TSPEAR: variants seen among roughly 807,000 people sequenced by gnomAD.
The protein encoded by TSPEAR is thrombospondin type laminin G domain and EAR repeats.
A neutral mutation model predicts 71.6 loss-of-function variants in TSPEAR; 69 were observed. The observed-to-expected ratio is 0.96, with a 90% CI of 0.79 to 1.18. The LOEUF is 1.18. TSPEAR is among the 50% of genes most tolerant of loss of function. TSPEAR has a pLI of 0.00. For synonymous variants in TSPEAR, 402 were observed against 387.2 expected (o/e 1.04, Z -0.45); for missense variants, 971 against 894.9 (o/e 1.09, Z -1.09).
In TSPEAR at chr21:44,522,042, C is replaced by A. The variant is rs1298144003; in HGVS notation, c.1407G>T (p.Gln469His). ...NPATRLFEAN[Q>H]TIATSGAYDW... Reference sequence around the variant, plus strand: ...CGTAGGCGCCGGAGGTGGCGATGGTCTGGTTGGCCTCGAAGAGCCGGGTTG... The same window carrying A: ...CGTAGGCGCCGGAGGTGGCGATGGTATGGTTGGCCTCGAAGAGCCGGGTTG... Residue 469 changes from glutamine (Q) to histidine (H), a missense_variant, in exon 9 of 12, where the codon CAG (glutamine) becomes CAT (histidine). Physicochemically the swap from Gln to His is conservative, Grantham distance 24 (BLOSUM62 0). Transcript: ENST00000323084. 2 of 1,614,028 alleles carry A rather than the reference C, an allele frequency of 1.2e-6. No homozygotes were observed. Among genetic ancestry groups the A allele is most frequent in the Non-Finnish European group, 1.7e-6 (2 of 1,180,026 alleles).
intron 1 of TSPEAR, among the ~76,000 whole-genome samples, chr21:44,651,351 T>C (rs1414835264): frequency 3.9e-5 from 6 of 152,154 alleles, no homozygotes; most frequent in African/African-American, 1.4e-4. Flanking sequence ...ACAGAGAAGT[T>C]GGATGTGTGT....
Position 44,711,455 on chromosome 21 carries a change from C to G in TSPEAR, c.60G>C (p.Thr20=). ...VLPLAAPGHG[T]QGWEPCTDLR... is the part of the protein sequence containing the mutation. ...TACCTGTGCAGGGCTCCCAACCCTG[C>G]GTGCCGTGGCCGGGGGCCGCCAGGG... Residue 20 remains threonine, a synonymous_variant, in exon 1 of 12, where the codon ACG becomes ACC. Coordinates refer to ENST00000323084, the MANE Select transcript of TSPEAR (RefSeq NM_144991.3). This position sits in a 1 kb window ranked among gnomAD's most constrained non-coding sequence, Gnocchi z 4.5. The G allele has an allele frequency of 6.2e-7, 1 of 1,609,890 alleles. No homozygotes were observed. The highest frequency in any genetic ancestry group is 8.5e-7 in the Non-Finnish European group (1 of 1,178,544).
chr21:44,531,111 C>T lies in TSPEAR; in HGVS notation c.565G>A (p.Ala189Thr), dbSNP rs1555915727. The change falls in exon 4 of 12, where the codon GCC becomes ACC. Residue 189 changes from alanine (A) to threonine (T), a missense_variant. By Grantham distance (58) the Ala-to-Thr change is moderately conservative (BLOSUM62 0). Transcript: ENST00000323084. ...CGAGCTCCTTTCACTGACAGGGTGG[C>T]TGGGAAGGGCACATCGGCCATTCTG... ...VDIMADVPFP[A>T]TLSVKGARFF... The T allele has an allele frequency of 6.2e-7, 1 of 1,613,764 alleles. No homozygotes were observed. The highest frequency in any genetic ancestry group is 8.5e-7 in the Non-Finnish European group (1 of 1,179,958).
In TSPEAR at chr21:44,513,145, C is replaced by T. The variant is rs112613719; in HGVS notation, c.1567-3759G>A. 8.5e-3 allele frequency among the ~76,000 whole-genome samples: 1,293 copies of T among 152,352 alleles called. 9 individuals are homozygous for T. The highest frequency in any genetic ancestry group is 0.013 in the Non-Finnish European group (874 of 68,020). On this transcript the variant is annotated intron_variant, in intron 9 of 11. Transcript: ENST00000323084. ...TGGCAGAACCCCCACGGGGTGTCAC[C>T]GGCTCCTGGTCCCAGCATTTAGCTG... is the stretch of plus-strand genomic sequence containing the variant.
intron 1 of TSPEAR, among the ~76,000 whole-genome samples, chr21:44,682,396 C>T (rs1569257044): frequency 6.6e-6 from 1 of 152,200 alleles, no homozygotes. Context: ...CAGTGATGCA[C>T]AGGCAGTTTT....
chr21:44,651,151 G>A (rs1984764505), intron 1 of TSPEAR, among the ~76,000 whole-genome samples: 1 of 152,154 alleles, frequency 6.6e-6, no homozygotes, highest in Non-Finnish European at 1.5e-5. Context: ...CAATGGACAG[G>A]CCACGAGCGG....
intron 10 of TSPEAR, chr21:44,508,492 C>G (rs2052260958): frequency 9.7e-7 from 1 of 1,026,724 alleles, no homozygotes; most frequent in African/African-American, 1.7e-5. Flanking sequence ...GCCCCTGGCT[C>G]TGGGATCTGG....
intron 2 of TSPEAR, among the ~76,000 whole-genome samples, chr21:44,565,625 A>G (rs139729453): frequency 1.3e-4 from 20 of 152,378 alleles, no homozygotes; most frequent in East Asian, 1.9e-4. Context: ...TAGCATGATT[A>G]TAACAATAGA....
At chr21:44,529,748 GGGCTCT>G in intron 5 of TSPEAR, 44 bp downstream of exon 5, 1 of 1,606,872 alleles carries the variant, frequency 6.2e-7, no homozygotes, top group South Asian at 1.1e-5. Context: ...TGTGAGGCCA[GGGCTCT>G]CGCATCTGCC....
rs565583842 is a variant in TSPEAR, at chr21:44,700,493, C to A, written c.82+10940G>T. 2.0e-4 allele frequency among the ~76,000 whole-genome samples: 31 copies of A among 152,330 alleles called. 1 individual carries two copies. Among genetic ancestry groups the A allele is most frequent in the African/African-American group, 7.2e-4 (30 of 41,570 alleles). ...GACTTCCCAGAACCCCCCTTGCCAA[C>A]CAAACAGCACACAGTGAGAGGGGCC... On this transcript the variant is annotated intron_variant, in intron 1 of 11. Transcript: ENST00000323084.
chr21:44,633,044 C>CT (rs145029166), intron 1 of TSPEAR, among the ~76,000 whole-genome samples: 8,471 of 152,020 alleles, frequency 0.056, 303 homozygotes, highest in South Asian at 0.11. Context: ...CTCTTATAGT[C>CT]TTTTTTATCT....
At chr21:44,634,700 T>C (rs1466554858) in intron 1 of TSPEAR, among the ~76,000 whole-genome samples, 1 of 152,142 alleles carries the variant, frequency 6.6e-6, no homozygotes, top group Non-Finnish European at 1.5e-5. Flanking sequence ...AAGGAGGATA[T>C]GCAAATGGAT....
intron 1 of TSPEAR, among the ~76,000 whole-genome samples, chr21:44,634,104 C>T (rs587734362): frequency 2.0e-5 from 3 of 152,108 alleles, no homozygotes; most frequent in South Asian, 2.1e-4. Flanking sequence ...TTTTCATTAG[C>T]CAAATATAGT....
intron 1 of TSPEAR, among the ~76,000 whole-genome samples, chr21:44,582,643 C>A (rs1442248297): frequency 6.6e-6 from 1 of 152,206 alleles, no homozygotes; most frequent in Non-Finnish European, 1.5e-5. Context: ...ACAGTCATTG[C>A]TGTGCCCACA....
chr21:44,525,596 G>T, intron 8 of TSPEAR, 57 bp downstream of exon 8: 1 of 1,560,396 alleles, frequency 6.4e-7, no homozygotes, highest in Non-Finnish European at 8.8e-7. Flanking sequence ...CTGCCTGCAA[G>T]TCTCGCTCTG....
intron 1 of TSPEAR, among the ~76,000 whole-genome samples, chr21:44,709,500 G>A (rs1555953163): frequency 6.6e-6 from 1 of 152,240 alleles, no homozygotes; most frequent in African/African-American, 2.4e-5. Flanking sequence ...GGGAATGAGC[G>A]CCGAAAATCA....
At position 44,710,480 on chromosome 21, in the gene TSPEAR, C is replaced by T. The variant is rs1298130924; in HGVS notation, c.82+953G>A. Among the ~76,000 whole-genome samples, 9 of 152,026 alleles carry T rather than the reference C, an allele frequency of 5.9e-5. No homozygotes were observed. The highest frequency in any genetic ancestry group is 1.9e-4 in the African/African-American group (8 of 41,386). On this transcript the variant is annotated intron_variant, in intron 1 of 11. Coordinates refer to ENST00000323084, the MANE Select transcript of TSPEAR (RefSeq NM_144991.3). This position sits in a 1 kb window ranked among gnomAD's most constrained non-coding sequence, Gnocchi z 4.6. ...CCATACTCGGGTGATCGTGCTCATC[C>T]CCTGGTCATGTCATCGGGATCTGAG... is the stretch of plus-strand genomic sequence containing the variant.
intron 1 of TSPEAR, among the ~76,000 whole-genome samples, chr21:44,590,411 G>C (rs1979704309): frequency 6.6e-6 from 1 of 152,208 alleles, no homozygotes; most frequent in Admixed American, 6.5e-5. Context: ...AGGACCAGGA[G>C]GGAGCCAGGA....
chr21:44,650,231 G>T (rs9982268), intron 1 of TSPEAR, among the ~76,000 whole-genome samples: 23,284 of 151,358 alleles, frequency 0.15, 2,005 homozygotes, highest in Non-Finnish European at 0.2. Context: ...AAAAAAGAAA[G>T]AAAAGGTATA....
Sources: allele counts gnomAD v4.1 joint callset (sites outside exome capture counted in the v4.1 genomes callset), GRCh38; gene constraint gnomAD v4.1.1; non-coding constraint Gnocchi (gnomAD v3.1); transcripts MANE v1.5; gene names NCBI Gene and HGNC (gene_info 2026-07-23, HGNC 2026-07-21).